ESRRG: variants seen among roughly 807,000 people sequenced by gnomAD.
ESRRG encodes estrogen-related receptor gamma.
Under a neutral mutation model 44.0 loss-of-function variants are expected in ESRRG, and 13 were observed. The ratio of observed to expected loss-of-function variants is 0.30; its 90% confidence interval spans 0.19 to 0.47. The LOEUF is 0.47. ESRRG is among the 20% of genes least tolerant of loss of function. ESRRG has a pLI of 1.00. For synonymous variants in ESRRG, 215 were observed against 214.6 expected (o/e 1.00, Z -0.02); for missense variants, 395 against 580.6 (o/e 0.68, Z 3.29).
At chr1:216,746,648 A>T (rs545839766) in intron 2 of ESRRG, among the ~76,000 whole-genome samples, 15 of 152,238 alleles carry the variant, frequency 9.9e-5, no homozygotes, top group African/African-American at 2.9e-4. Flanking sequence ...ATTTATTTAG[A>T]TCCTATAGCT....
chr1:217,039,470 T>C (rs1042579194), intron 1 of ESRRG, among the ~76,000 whole-genome samples: 1 of 152,146 alleles, frequency 6.6e-6, no homozygotes, highest in Admixed American at 6.6e-5. Context: ...TCACATCTTA[T>C]GTGGATGGCA....
chr1:216,918,343 C>T (rs1233899522), intron 2 of ESRRG, among the ~76,000 whole-genome samples: 1 of 152,144 alleles, frequency 6.6e-6, no homozygotes, highest in Non-Finnish European at 1.5e-5. Context: ...GCCCTGCTCT[C>T]TCTTTCAAAG....
chr1:216,584,108 C>T (rs563449108), intron 3 of ESRRG, among the ~76,000 whole-genome samples: 1 of 150,722 alleles, frequency 6.6e-6, no homozygotes, highest in South Asian at 2.1e-4. Flanking sequence ...AGCCATTCTT[C>T]CTCTCATTCT....
intron 1 of ESRRG, among the ~76,000 whole-genome samples, chr1:217,096,558 C>T (rs772815605): frequency 5.9e-4 from 90 of 152,284 alleles, no homozygotes; most frequent in African/African-American, 1.9e-3. Context: ...CCTCAGGTAA[C>T]GATCCTTAGA....
At chr1:217,023,173 A>G (rs2080632363) in intron 1 of ESRRG, among the ~76,000 whole-genome samples, 1 of 152,186 alleles carries the variant, frequency 6.6e-6, no homozygotes, top group Admixed American at 6.5e-5. Context: ...ACAAAAAACA[A>G]TGTGTCTCTA....
intron 1 of ESRRG, among the ~76,000 whole-genome samples, chr1:216,996,315 G>A (rs2076371987): frequency 6.6e-6 from 1 of 152,054 alleles, no homozygotes; most frequent in Admixed American, 6.5e-5. Context: ...GCAGAGGACT[G>A]GAAGTAGAAA....
intron 1 of ESRRG, among the ~76,000 whole-genome samples, chr1:217,027,055 T>C (rs6688879): frequency 0.017 from 2,547 of 152,134 alleles, 42 homozygotes; most frequent in Non-Finnish European, 0.019. Flanking sequence ...TCCCCCAAGA[T>C]TGGCTGAAAT....
rs148636386 is a variant in ESRRG at position 216,984,499 on chromosome 1, C to T, written c.-105-44826G>A. Among the ~76,000 whole-genome samples, 193 of 152,230 alleles carry T rather than the reference C, an allele frequency of 1.3e-3. 2 individuals are homozygous for T. The highest frequency in any genetic ancestry group is 2.0e-3 in the Non-Finnish European group (139 of 68,018). On this transcript the variant is annotated intron_variant, in intron 1 of 7. Transcript: ENST00000359162. Reference sequence around the variant, plus strand: ...CAGAAACAAACATCTGTTTTGGGGACGACACCTGATAATTTTAACCATTCC... The same window carrying T: ...CAGAAACAAACATCTGTTTTGGGGATGACACCTGATAATTTTAACCATTCC...
chr1:216,732,364 G>T (rs552220219), intron 2 of ESRRG, among the ~76,000 whole-genome samples: 165 of 142,062 alleles, frequency 1.2e-3, no homozygotes, highest in African/African-American at 4.1e-3. Flanking sequence ...CTGCAAAGTT[G>T]ACATCTGGAT....
intron 2 of ESRRG, among the ~76,000 whole-genome samples, chr1:216,911,404 A>G (rs2149584003): frequency 6.6e-6 from 1 of 152,306 alleles, no homozygotes; most frequent in South Asian, 2.1e-4. Context: ...AATTGTGGGG[A>G]CAATTAAAAG....
At chr1:216,735,065 C>T (rs1559456430) in intron 2 of ESRRG, among the ~76,000 whole-genome samples, 3 of 151,786 alleles carry the variant, frequency 2.0e-5, no homozygotes, top group Admixed American at 1.3e-4. Context: ...CCTGCCACCA[C>T]ATCTGGCTAA....
At chr1:216,521,996 C>T (rs1333359727) in intron 5 of ESRRG, among the ~76,000 whole-genome samples, 1 of 152,088 alleles carries the variant, frequency 6.6e-6, no homozygotes, top group Non-Finnish European at 1.5e-5. Context: ...ACCGGGCCCC[C>T]TTTGTCCCTG....
intron 2 of ESRRG, among the ~76,000 whole-genome samples, chr1:216,873,100 A>G (rs528499867): frequency 5.9e-5 from 9 of 152,070 alleles, no homozygotes; most frequent in East Asian, 5.8e-4. Flanking sequence ...CAGTATGGTC[A>G]TAGGTGCAGG....
chr1:217,050,122 G>A (rs572785447), intron 1 of ESRRG, among the ~76,000 whole-genome samples: 3 of 152,250 alleles, frequency 2.0e-5, no homozygotes, highest in African/African-American at 7.2e-5. Context: ...CTTATTAGAA[G>A]GCAATCTTAC....
At chr1:217,016,471 C>T (rs74377888) in intron 1 of ESRRG, among the ~76,000 whole-genome samples, 2,426 of 152,204 alleles carry the variant, frequency 0.016, 66 homozygotes, top group African/African-American at 0.055. Flanking sequence ...AACTACTCTC[C>T]AAATCTAAGT....
chr1:217,095,062 C>T (rs1351843553), intron 1 of ESRRG, among the ~76,000 whole-genome samples: 1 of 151,942 alleles, frequency 6.6e-6, no homozygotes, highest in African/African-American at 2.4e-5. Context: ...GTATTGTTCT[C>T]AAGAAAAGAT....
At chr1:216,629,193 T>C (rs993865659) in intron 3 of ESRRG, among the ~76,000 whole-genome samples, 4 of 152,156 alleles carry the variant, frequency 2.6e-5, no homozygotes, top group African/African-American at 4.8e-5. Flanking sequence ...GAACAAGAGA[T>C]GGTCAATATA....
intron 2 of ESRRG, among the ~76,000 whole-genome samples, chr1:216,866,395 C>T (rs1402499212): frequency 1.3e-5 from 2 of 152,014 alleles, no homozygotes; most frequent in Non-Finnish European, 2.9e-5. Flanking sequence ...ATGTTCTTAT[C>T]AATATTGAAA....
chr1:216,655,242 G>A lies in ESRRG; in HGVS notation c.473-4153C>T, dbSNP rs138481604. Among the ~76,000 whole-genome samples, 1,184 of 152,204 alleles carry A rather than the reference G, an allele frequency of 7.8e-3. 4 individuals carry two copies. Among genetic ancestry groups the A allele is most frequent in the Non-Finnish European group, 0.011 (730 of 68,018 alleles). ...CAATGAGCCAGGAGTTTTGTATTAC[G>A]GCTGGTTTGGATTAGAGAGAGGTAG... On this transcript the variant is annotated intron_variant, in intron 2 of 6. Coordinates refer to ENST00000408911, the MANE Select transcript of ESRRG (RefSeq NM_001438.4).
Sources: allele counts gnomAD v4.1 joint callset (sites outside exome capture counted in the v4.1 genomes callset), GRCh38; gene constraint gnomAD v4.1.1; transcripts MANE v1.5; gene names NCBI Gene and HGNC (gene_info 2026-07-23, HGNC 2026-07-21).